Variants in GALNT3 observed in about 807,000 individuals in gnomAD.
GALNT3 encodes the protein polypeptide N-acetylgalactosaminyltransferase 3.
In GALNT3, 51 loss-of-function variants were observed where a neutral mutation model predicts 69.8. The observed-to-expected ratio is 0.73, with a 90% CI of 0.58 to 0.92. The LOEUF is 0.92. Among genes scored for constraint, GALNT3 ranks in the 40% least tolerant of loss-of-function variants. The pLI, the probability that GALNT3 is intolerant of heterozygous loss-of-function variation, is 0.00. For synonymous variants in GALNT3, 265 were observed against 248.5 expected (o/e 1.07, Z -0.63); for missense variants, 711 against 760.0 (o/e 0.94, Z 0.76).
chr2:165,756,493 C>T (rs1688444585), intron 7 of GALNT3, among the ~76,000 whole-genome samples: 1 of 152,048 alleles, frequency 6.6e-6, no homozygotes, highest in Non-Finnish European at 1.5e-5. Context: ...TCTCTTAAAA[C>T]AGGGAAGGAG....
intron 1 of GALNT3, among the ~76,000 whole-genome samples, chr2:165,784,373 G>GCTAAA (rs1398223873): frequency 6.6e-6 from 1 of 152,130 alleles, no homozygotes; most frequent in African/African-American, 2.4e-5. Context: ...CTGATAGGAG[G>GCTAAA]CTAAAGGCAA....
chr2:165,781,600 A>G (rs1683112953), intron 1 of GALNT3, among the ~76,000 whole-genome samples: 1 of 151,748 alleles, frequency 6.6e-6, no homozygotes, highest in African/African-American at 2.4e-5. Flanking sequence ...TCCCTCTCAA[A>G]AAAGAAAAAA....
At position 165,754,925 on chromosome 2, in the gene GALNT3, TACTC is replaced by T. The variant is rs1240486735; in HGVS notation, c.1524+3_1524+6del. 6.2e-7 allele frequency: 1 copy of T among 1,613,140 alleles called. No homozygotes were observed. Among genetic ancestry groups the T allele is most frequent in the South Asian group, 1.1e-5 (1 of 91,050 alleles). On this transcript the variant is annotated splice_donor_5th_base_variant and intron_variant, in intron 8 of 10. Coordinates refer to ENST00000392701, the MANE Select transcript of GALNT3 (RefSeq NM_004482.4). Reference sequence around the variant, plus strand: ...ATTAATTAAAAAAGGAACAGGAAAATACTCACGTATCCAGATATAACAGGATTAA... The same window carrying T: ...ATTAATTAAAAAAGGAACAGGAAAATACGTATCCAGATATAACAGGATTAA...
rs112822136 is a variant in GALNT3, at chr2:165,776,016, T to C, written c.-108-5208A>G. Among the ~76,000 whole-genome samples the C allele has an allele frequency of 5.5e-3, 831 of 152,310 alleles. 11 individuals are homozygous for C. Among genetic ancestry groups the C allele is most frequent in the African/African-American group, 0.019 (797 of 41,566 alleles). ...AGTTTTCCAAAAAGACTCAGGGATT[T>C]ACGCTGATATAAATGAGGCACTGAG... On this transcript the variant is annotated intron_variant, in intron 1 of 10. Coordinates refer to ENST00000392701, the MANE Select transcript of GALNT3 (RefSeq NM_004482.4).
chr2:165,748,267 G>A lies in GALNT3; in HGVS notation c.*514C>T, dbSNP rs774826168. The A allele has an allele frequency of 1.6e-4, 34 of 207,532 alleles. 1 individual carries two copies. The highest frequency in any genetic ancestry group is 1.3e-3 in the South Asian group (7 of 5,332). 12.9% of individuals were successfully genotyped at this position (207,532 alleles called of 1,614,324 possible). A position where few individuals can be genotyped will look rare whatever the true frequency, so the allele number is the denominator to read the frequency against. On this transcript the variant is annotated 3_prime_UTR_variant, in exon 11 of 11. Coordinates refer to ENST00000392701, the MANE Select transcript of GALNT3 (RefSeq NM_004482.4). The stretch of plus-strand genomic sequence containing the variant: ...CATTTGACAGACAAGTAAACCAAAC[G>A]CAAAAAAAAGTTCACCTGCATTTTA...
rs761090844 is a variant in GALNT3, at chr2:165,757,121, C to T, written c.1318G>A (p.Ala440Thr). ...QVIARNQVRL[A>T]EVWMDEYKEI... ...TTGTATTCATCCATCCAGACTTCTG[C>T]AAGGCGAACTTGGTTTCTAGCAATC... The change falls in exon 7 of 11, where the codon GCA (alanine) becomes ACA (threonine). Residue 440 changes from alanine to threonine, a missense_variant. Coordinates refer to ENST00000392701, the MANE Select transcript of GALNT3 (RefSeq NM_004482.4). 4 of 1,613,942 alleles carry T rather than the reference C, an allele frequency of 2.5e-6. No homozygotes were observed.
intron 1 of GALNT3, chr2:165,771,685 A>T (rs1688756362): frequency 6.6e-6 from 1 of 152,228 alleles, no homozygotes; most frequent in Non-Finnish European, 1.5e-5. Flanking sequence ...GAGCCGCGAT[A>T]GCCAGTCAAG....
intron 4 of GALNT3, chr2:165,761,617 G>GAAAAA: frequency 3.7e-6 from 2 of 542,596 alleles, no homozygotes; most frequent in Non-Finnish European, 6.5e-6. Context: ...AAGAAACATG[G>GAAAAA]AAAAAAAAAA....
In GALNT3 at chr2:165,757,225, A is replaced by C. The variant is rs2105405232; in HGVS notation, c.1214T>G (p.Leu405Trp). ...AACAACAGAGCAAGGCATAATCTCC[A>C]ACTGCCCACCACATTGCCATACCTG... Reference protein sequence around the residue: ...SFRVWQCGGQLEIMPCSVVGH... With the variant: ...SFRVWQCGGQWEIMPCSVVGH... The change falls in exon 7 of 11, where the codon TTG (leucine) becomes TGG (tryptophan). Residue 405 changes from leucine (L) to tryptophan (W), a missense_variant. Coordinates refer to ENST00000392701, the MANE Select transcript of GALNT3 (RefSeq NM_004482.4). The C allele has an allele frequency of 6.2e-7, 1 of 1,614,038 alleles. No homozygotes were observed. The highest frequency in any genetic ancestry group is 1.1e-5 in the South Asian group (1 of 91,078).
chr2:165,792,227 T>C (rs1168762541), intron 1 of GALNT3, among the ~76,000 whole-genome samples: 3 of 152,228 alleles, frequency 2.0e-5, no homozygotes, highest in Admixed American at 6.5e-5. Flanking sequence ...TCTAGGAAAG[T>C]ATTATTTTTC....
In GALNT3 at chr2:165,781,454, G is replaced by A. The variant is rs78103357; in HGVS notation, c.-108-10646C>T. Among the ~76,000 whole-genome samples, 657 of 151,874 alleles carry A rather than the reference G, an allele frequency of 4.3e-3. 4 individuals are homozygous for A. Among genetic ancestry groups the A allele is most frequent in the African/African-American group, 0.015 (635 of 41,418 alleles). Reference sequence around the variant, plus strand: ...CACAAAAAAAATACATAAATTAGCCGGGTGTGGTGGAGCTCACCTATGGTC... The same window carrying A: ...CACAAAAAAAATACATAAATTAGCCAGGTGTGGTGGAGCTCACCTATGGTC... On this transcript the variant is annotated intron_variant, in intron 1 of 10. Coordinates refer to ENST00000392701, the MANE Select transcript of GALNT3 (RefSeq NM_004482.4).
At chr2:165,769,209 C>T (rs1315686998) in intron 2 of GALNT3, among the ~76,000 whole-genome samples, 18 of 145,074 alleles carry the variant, frequency 1.2e-4, no homozygotes, top group African/African-American at 4.0e-4. Context: ...AGTTCGAGAC[C>T]AGCCTGGCCA....
Position 165,755,014 on chromosome 2 carries a change from T to A in GALNT3, c.1442A>T (p.Gln481Leu), listed in dbSNP as rs1688421707. Reference sequence around the variant, plus strand: ...CAGATACCATGTAAAATTTTTACACTGAAGGCGGTGTTTTATTTCAAATCT... The same window carrying A: ...CAGATACCATGTAAAATTTTTACACAGAAGGCGGTGTTTTATTTCAAATCT... ...SKRFEIKHRL[Q>L]CKNFTWYLNN... Residue 481 changes from glutamine (Q) to leucine (L), a missense_variant, in exon 8 of 11, where the codon CAG (glutamine) becomes CTG (leucine). Physicochemically the swap from Gln to Leu is moderately radical, Grantham distance 113. Transcript: ENST00000392701. 1 of 1,611,968 alleles carries A rather than the reference T, an allele frequency of 6.2e-7. No individual in the cohort carries two copies. The highest frequency in any genetic ancestry group is 8.5e-7 in the Non-Finnish European group (1 of 1,178,180).
chr2:165,756,167 G>GC (rs1279177402), intron 7 of GALNT3, among the ~76,000 whole-genome samples: 1 of 151,982 alleles, frequency 6.6e-6, no homozygotes, highest in Non-Finnish European at 1.5e-5. Context: ...GTTCTTCACC[G>GC]CAACAGCCAA....
At chr2:165,779,138 G>C (rs1683046216) in intron 1 of GALNT3, among the ~76,000 whole-genome samples, 3 of 152,202 alleles carry the variant, frequency 2.0e-5, no homozygotes, top group Non-Finnish European at 4.4e-5. Flanking sequence ...ACTGGGGAGT[G>C]AGCAGTGGAG....
intron 1 of GALNT3, among the ~76,000 whole-genome samples, chr2:165,779,124 T>C (rs1337613805): frequency 6.6e-6 from 1 of 152,046 alleles, no homozygotes; most frequent in Non-Finnish European, 1.5e-5. Flanking sequence ...CTGGAGAAAA[T>C]CATACTGGGG....
At chr2:165,781,823 G>C (rs1022229600) in intron 1 of GALNT3, among the ~76,000 whole-genome samples, 1 of 152,148 alleles carries the variant, frequency 6.6e-6, no homozygotes, top group Non-Finnish European at 1.5e-5. Flanking sequence ...TTAAGATTAA[G>C]AATTGATCTA....
intron 7 of GALNT3, among the ~76,000 whole-genome samples, chr2:165,756,780 T>C (rs1009629478): frequency 2.0e-5 from 3 of 152,254 alleles, no homozygotes; most frequent in Admixed American, 2.0e-4. Flanking sequence ...CTTAATTTTC[T>C]TCGAGTAAAA....
In GALNT3 at chr2:165,748,450, T is replaced by A. The variant is rs1339968401; in HGVS notation, c.*331A>T. 1 of 307,068 alleles carries A rather than the reference T, an allele frequency of 3.3e-6. No homozygotes were observed. Among genetic ancestry groups the A allele is most frequent in the Non-Finnish European group, 6.1e-6 (1 of 163,328 alleles). The allele number at this position is 307,068 out of a possible 1,614,324, so 19.0% of individuals were successfully genotyped here. A position where few individuals can be genotyped will look rare whatever the true frequency, so the allele number is the denominator to read the frequency against. On this transcript the variant is annotated 3_prime_UTR_variant, in exon 11 of 11. Coordinates refer to ENST00000392701, the MANE Select transcript of GALNT3 (RefSeq NM_004482.4). ...GGGGAAATATTTTAAATTGTGAGTG[T>A]GTGAATGTAGCTATATATATATATC...
Sources: allele counts gnomAD v4.1 joint callset (sites outside exome capture counted in the v4.1 genomes callset), GRCh38; gene constraint gnomAD v4.1.1; transcripts MANE v1.5; gene names NCBI Gene and HGNC (gene_info 2026-07-23, HGNC 2026-07-21).